Variants in BMP6 observed in about 807,000 individuals in gnomAD.
BMP6 encodes VG-1-R.
BMP6 carries 17 observed loss-of-function variants against 54.1 expected under a neutral mutation model. The ratio of observed to expected loss-of-function variants is 0.31; its 90% CI spans 0.22 to 0.47. BMP6 has a LOEUF of 0.47. Among genes scored for constraint, BMP6 ranks in the 20% least tolerant of loss-of-function variants. BMP6 has a pLI of 1.00. For missense variants in BMP6, 720 were observed against 690.4 expected (o/e 1.04, Z -0.48); for synonymous variants, 328 against 291.2 (o/e 1.13, Z -1.28).
intron 4 of BMP6, among the ~76,000 whole-genome samples, chr6:7,870,440 A>T (rs957150966): frequency 6.6e-6 from 1 of 152,242 alleles, no homozygotes; most frequent in African/African-American, 2.4e-5. Context: ...TATTGGAAAC[A>T]TAAAGGCTTC....
intron 1 of BMP6, among the ~76,000 whole-genome samples, chr6:7,783,480 A>T (rs1008175556): frequency 3.3e-5 from 5 of 152,208 alleles, no homozygotes; most frequent in Admixed American, 6.5e-5. Context: ...CTATAGAAAC[A>T]TGCTTTCTTT....
intron 1 of BMP6, among the ~76,000 whole-genome samples, chr6:7,786,919 G>C (rs1339448730): frequency 6.6e-6 from 1 of 152,136 alleles, no homozygotes. Flanking sequence ...ACCTTCAGAG[G>C]TAGGAAGAGC....
Position 7,726,600 on chromosome 6 carries a change from G to C in BMP6, c.-356G>C, listed in dbSNP as rs890590764. 2.6e-5 allele frequency among the ~76,000 whole-genome samples: 4 copies of C among 152,156 alleles called. No homozygotes were observed. Among genetic ancestry groups the C allele is most frequent in the African/African-American group, 9.6e-5 (4 of 41,456 alleles). On this transcript the variant is annotated 5_prime_UTR_variant, in exon 1 of 7. Transcript: ENST00000283147. ...GCACGTGTGCGGCCAGCGAGGCCCA[G>C]AGTGACCGCGCCGCGACTCGCAGGA... is the stretch of plus-strand genomic sequence containing the variant.
intron 1 of BMP6, among the ~76,000 whole-genome samples, chr6:7,756,886 T>G (rs1283050194): frequency 1.3e-5 from 2 of 152,214 alleles, no homozygotes; most frequent in Non-Finnish European, 2.9e-5. Context: ...TTGTGTAAAC[T>G]GGTAATTTTT....
chr6:7,844,641 C>T (rs995374863), intron 1 of BMP6, among the ~76,000 whole-genome samples: 2 of 151,538 alleles, frequency 1.3e-5, no homozygotes, highest in Non-Finnish European at 2.9e-5. Flanking sequence ...CACCAATGTT[C>T]AGCTCAGGGC....
chr6:7,846,175 A>G (rs1759058368), intron 2 of BMP6, among the ~76,000 whole-genome samples: 1 of 152,178 alleles, frequency 6.6e-6, no homozygotes, highest in African/African-American at 2.4e-5. Flanking sequence ...CGGTCTGGCA[A>G]TTATATGGCA....
intron 1 of BMP6, among the ~76,000 whole-genome samples, chr6:7,734,988 C>G (rs909229777): frequency 3.3e-5 from 5 of 152,208 alleles, no homozygotes; most frequent in Non-Finnish European, 7.3e-5. Context: ...TTGTCCTAGG[C>G]CTAAAATGTC....
At chr6:7,809,946 C>T (rs1758411648) in intron 1 of BMP6, among the ~76,000 whole-genome samples, 2 of 60,596 alleles carry the variant, frequency 3.3e-5, no homozygotes, top group Admixed American at 2.1e-4. Context: ...TACAAAGAGA[C>T]CACTTATATA....
At chr6:7,879,688 C>A (rs1001502328) in intron 5 of BMP6, among the ~76,000 whole-genome samples, 1 of 152,128 alleles carries the variant, frequency 6.6e-6, no homozygotes, top group Non-Finnish European at 1.5e-5. Flanking sequence ...GCAGGAGCAC[C>A]GTGGGCTCCT....
At chr6:7,825,447 G>C (rs569611841) in intron 1 of BMP6, among the ~76,000 whole-genome samples, 1 of 152,110 alleles carries the variant, frequency 6.6e-6, no homozygotes, top group Admixed American at 6.5e-5. Flanking sequence ...TAGGCCAGGC[G>C]TGGTGGATCA....
intron 3 of BMP6, among the ~76,000 whole-genome samples, chr6:7,861,913 G>A (rs1295845848): frequency 1.3e-5 from 2 of 152,132 alleles, no homozygotes; most frequent in Admixed American, 6.5e-5. Flanking sequence ...AGAGGCAGGC[G>A]CATCTGTTTA....
At chr6:7,801,417 T>A (rs1312734560) in intron 1 of BMP6, among the ~76,000 whole-genome samples, 1 of 152,310 alleles carries the variant, frequency 6.6e-6, no homozygotes, top group Middle Eastern at 3.4e-3. Flanking sequence ...TGGATCTGAA[T>A]AAATCCTTAA....
chr6:7,829,121 C>G (rs1262187472), intron 1 of BMP6, among the ~76,000 whole-genome samples: 5 of 152,222 alleles, frequency 3.3e-5, no homozygotes, highest in Non-Finnish European at 5.9e-5. Flanking sequence ...GCCCCATCGT[C>G]ATGGTCAGAA....
At chr6:7,790,514 CAAAAAAAAAAAAAAAAAAA>C (rs35572440) in intron 1 of BMP6, among the ~76,000 whole-genome samples, 1 of 73,502 alleles carries the variant, frequency 1.4e-5, no homozygotes, top group Non-Finnish European at 2.3e-5. Flanking sequence ...GACCCTGTCT[CAAAAAAAAAAAAAAAAAAA>C]AAAAAAAAAA....
chr6:7,876,627 C>A (rs1229448148), intron 4 of BMP6, among the ~76,000 whole-genome samples: 2 of 152,142 alleles, frequency 1.3e-5, no homozygotes, highest in Non-Finnish European at 2.9e-5. Context: ...TGATGATTAT[C>A]TGTTTAATGT....
At chr6:7,767,208 T>G (rs1309579643) in intron 1 of BMP6, among the ~76,000 whole-genome samples, 2 of 152,124 alleles carry the variant, frequency 1.3e-5, no homozygotes, top group Non-Finnish European at 2.9e-5. Flanking sequence ...TCTCCTGACC[T>G]CGTGATCCAC....
At chr6:7,743,688 G>A (rs923055719) in intron 1 of BMP6, among the ~76,000 whole-genome samples, 2 of 152,176 alleles carry the variant, frequency 1.3e-5, no homozygotes, top group African/African-American at 4.8e-5. Context: ...GTGCCACCTA[G>A]CATCACTAAC....
rs146787734 is a variant in BMP6 at position 7,799,123 on chromosome 6, T to C, written c.665-46017T>C. 3.8e-3 allele frequency among the ~76,000 whole-genome samples: 578 copies of C among 152,352 alleles called. 6 individuals carry two copies. Among genetic ancestry groups the C allele is most frequent in the East Asian group, 0.023 (120 of 5,184 alleles). ...TTGGCTACTGCGAATTCCAAGGTTT[T>C]GGATGGCAAAAATCTGGCAATGACT... On this transcript the variant is annotated intron_variant, in intron 1 of 6. Coordinates refer to ENST00000283147, the MANE Select transcript of BMP6 (RefSeq NM_001718.6).
chr6:7,796,741 C>A (rs1758196622), intron 1 of BMP6, among the ~76,000 whole-genome samples: 1 of 152,130 alleles, frequency 6.6e-6, no homozygotes, highest in Non-Finnish European at 1.5e-5. Context: ...ATTTTAGTTT[C>A]ATTTCATAAA....
Sources: gnomAD v4.1 joint callset for allele counts (sites outside exome capture counted in the v4.1 genomes callset) on GRCh38, gnomAD v4.1.1 for gene constraint, MANE v1.5 for transcripts, NCBI Gene and HGNC (gene_info 2026-07-23, HGNC 2026-07-21) for gene names.